CCNH: variants seen among roughly 807,000 people sequenced by gnomAD.
CCNH encodes the protein cyclin H, also known as cyclin-H.
In CCNH, 31 loss-of-function variants were observed where a neutral mutation model predicts 41.9. That is an observed-to-expected ratio of 0.74 (90% CI 0.56 to 1.00). The LOEUF (loss-of-function observed/expected upper bound fraction) is 1.00, where lower values mean the gene tolerates loss of function less well. CCNH is among the 50% of genes least tolerant of loss of function. CCNH has a pLI of 0.00. For missense variants in CCNH, 362 were observed against 388.4 expected (o/e 0.93, Z 0.57); for synonymous variants, 138 against 136.1 (o/e 1.01, Z -0.10).
At chr5:87,384,429 A>G (rs944308170) in intron 9 of CCNH, among the ~76,000 whole-genome samples, 3 of 152,124 alleles carry the variant, frequency 2.0e-5, no homozygotes, top group African/African-American at 7.2e-5. Context: ...AACTGGAACC[A>G]TTTTTACCTT....
At chr5:87,383,786 C>G (rs753263145) in intron 9 of CCNH, 2 of 1,603,690 alleles carry the variant, frequency 1.2e-6, no homozygotes, top group South Asian at 1.1e-5. Flanking sequence ...CTCAGGTAAT[C>G]AGCTTTTGAT....
intron 9 of CCNH, among the ~76,000 whole-genome samples, chr5:87,346,928 T>C (rs1758904778): frequency 6.6e-6 from 1 of 152,026 alleles, no homozygotes; most frequent in Admixed American, 6.6e-5. Context: ...TGTTTTTCTT[T>C]TACCCCAGGC....
downstream of CCNH, chr5:87,393,357 A>ATAGT (rs907242735): frequency 4.6e-5 from 7 of 152,066 alleles, no homozygotes; most frequent in East Asian, 3.9e-4. Flanking sequence ...TCCAATTATA[A>ATAGT]TAGTTAACAC....
In CCNH at chr5:87,332,218, G is replaced by A. The variant is rs890299171; in HGVS notation, c.*91-13321C>T. ...GTTAATTCAGCCTTAAATATGGAAA[G>A]TGAGAAGAGGTATCTGAGGGTGAGT... is the stretch of plus-strand genomic sequence containing the variant. On this transcript the variant is annotated intron_variant and NMD_transcript_variant, in intron 9 of 9. Transcript: ENST00000645953. 5.3e-5 allele frequency among the ~76,000 whole-genome samples: 8 copies of A among 151,748 alleles called. No individual in the cohort carries two copies. In the South Asian group the frequency reaches 8.3e-4, roughly 16 times the overall value.
chr5:87,366,007 C>CTGT (rs773287332), intron 9 of CCNH, among the ~76,000 whole-genome samples: 126 of 152,246 alleles, frequency 8.3e-4, no homozygotes, highest in Middle Eastern at 3.4e-3. Context: ...AAAATACCTA[C>CTGT]TGTTGGATGC....
In CCNH at chr5:87,376,925, T is replaced by C. The variant is rs779266090; in HGVS notation, n.256A>G. 2 of 1,610,612 alleles carry C rather than the reference T, an allele frequency of 1.2e-6. No homozygotes were observed. Among genetic ancestry groups the C allele is most frequent in the East Asian group, 2.2e-5 (1 of 44,826 alleles). On this transcript the variant is annotated non_coding_transcript_exon_variant, in exon 1 of 1. Transcript: ENST00000607486. ...TTCATGTAGTCTATGCTTTATCACA[T>C]GTATGTGGACAAGACCGAACACTAC...
upstream of CCNH, chr5:87,380,696 C>A: frequency 1.8e-6 from 2 of 1,117,384 alleles, no homozygotes; most frequent in Non-Finnish European, 2.7e-6. Flanking sequence ...TTTTCTTTGG[C>A]TTTTATGTCA....
intron 9 of CCNH, among the ~76,000 whole-genome samples, chr5:87,355,272 G>A (rs899873808): frequency 6.6e-6 from 1 of 152,146 alleles, no homozygotes; most frequent in Admixed American, 6.6e-5. Context: ...TCAAAGGTCA[G>A]GCTGACTGAC....
downstream of CCNH, chr5:87,386,784 G>A: frequency 6.5e-7 from 1 of 1,541,042 alleles, no homozygotes; most frequent in Non-Finnish European, 9.0e-7. Flanking sequence ...TCAAACAGTG[G>A]TTTGTTTCTG....
chr5:87,398,774 C>T (rs938873821), intron 7 of CCNH, among the ~76,000 whole-genome samples: 1 of 151,970 alleles, frequency 6.6e-6, no homozygotes, highest in Non-Finnish European at 1.5e-5. Flanking sequence ...GAGATTGAGA[C>T]CATCCTGGCT....
At chr5:87,361,823 A>T (rs1271635342) in intron 9 of CCNH, among the ~76,000 whole-genome samples, 1 of 152,060 alleles carries the variant, frequency 6.6e-6, no homozygotes, top group African/African-American at 2.4e-5. Flanking sequence ...ACCTAATATA[A>T]ATATGTTGCT....
chr5:87,337,388 G>C (rs1169276350), intron 9 of CCNH, among the ~76,000 whole-genome samples: 1 of 152,004 alleles, frequency 6.6e-6, no homozygotes, highest in Non-Finnish European at 1.5e-5. Context: ...TTCAGAGAAA[G>C]AATGCTGTAC....
At chr5:87,400,919 C>T (rs1763357903) in intron 6 of CCNH, among the ~76,000 whole-genome samples, 1 of 152,212 alleles carries the variant, frequency 6.6e-6, no homozygotes, top group South Asian at 2.1e-4. Flanking sequence ...ACTCAACTCT[C>T]AACACCGGCA....
intron 9 of CCNH, among the ~76,000 whole-genome samples, chr5:87,328,968 A>G (rs998432540): frequency 1.6e-5 from 1 of 63,044 alleles, no homozygotes; most frequent in African/African-American, 4.2e-5. Context: ...TGGCTGGATA[A>G]TTTAATTGCA....
At chr5:87,346,991 G>A (rs1381243888) in intron 9 of CCNH, among the ~76,000 whole-genome samples, 3 of 151,760 alleles carry the variant, frequency 2.0e-5, no homozygotes, top group Admixed American at 6.6e-5. Flanking sequence ...TTTCCCATAT[G>A]TTTCTAGAAG....
intron 9 of CCNH, among the ~76,000 whole-genome samples, chr5:87,344,174 AAG>A (rs1310109562): frequency 5.3e-5 from 8 of 152,136 alleles, no homozygotes; most frequent in Admixed American, 3.3e-4. Flanking sequence ...AAATAACTAA[AAG>A]AGTGGAATTT....
chr5:87,339,667 GA>G (rs1372827626), intron 9 of CCNH, among the ~76,000 whole-genome samples: 3 of 152,076 alleles, frequency 2.0e-5, no homozygotes, highest in African/African-American at 4.8e-5. Flanking sequence ...AAGGAGACAT[GA>G]CCTCACATCA....
chr5:87,389,614 T>A, downstream of CCNH: 1 of 1,528,232 alleles, frequency 6.5e-7, no homozygotes, highest in Non-Finnish European at 9.0e-7. Flanking sequence ...GGTTAACATT[T>A]TTATCTTGTT....
At chr5:87,390,854 C>T, downstream of CCNH, 1 of 1,613,522 alleles carries the variant, frequency 6.2e-7, no homozygotes. Flanking sequence ...AAAACAAAAC[C>T]AGTATACAAA....
Sources: gnomAD v4.1 joint callset for allele counts (sites outside exome capture counted in the v4.1 genomes callset) on GRCh38, gnomAD v4.1.1 for gene constraint, MANE v1.5 for transcripts, NCBI Gene and HGNC (gene_info 2026-07-23, HGNC 2026-07-21) for gene names.